The following SLC24A3 variants were observed in gnomAD, a reference collection of about 807,000 sequenced individuals.
SLC24A3 encodes sodium/potassium/calcium exchanger 3.
Under a neutral mutation model 75.8 loss-of-function variants are expected in SLC24A3, and 28 were observed. The observed-to-expected ratio is 0.37, with a 90% confidence interval of 0.27 to 0.51. SLC24A3 has a LOEUF of 0.51. Among genes scored for constraint, SLC24A3 ranks in the 20% least tolerant of loss-of-function variants. SLC24A3 has a pLI of 0.94. For missense variants in SLC24A3, 663 were observed against 847.8 expected (o/e 0.78, Z 2.71); for synonymous variants, 372 against 334.1 (o/e 1.11, Z -1.24).
intron 2 of SLC24A3, among the ~76,000 whole-genome samples, chr20:19,323,746 A>C (rs1028108796): frequency 2.6e-5 from 4 of 152,212 alleles, no homozygotes; most frequent in Non-Finnish European, 5.9e-5. Flanking sequence ...GCTGGAAGCC[A>C]CACTGACCCA....
chr20:19,585,077 A>G (rs976553785), intron 5 of SLC24A3, 22 bp downstream of exon 5: 1 of 1,593,006 alleles, frequency 6.3e-7, no homozygotes, highest in South Asian at 1.1e-5. Context: ...ACTGAGGGAC[A>G]TCTCAGACCT....
chr20:19,413,903 T>C (rs964095710), intron 2 of SLC24A3, among the ~76,000 whole-genome samples: 2 of 152,214 alleles, frequency 1.3e-5, no homozygotes, highest in Non-Finnish European at 1.5e-5. Flanking sequence ...TGGGAAATGT[T>C]TGAAACCAAT....
chr20:19,484,223 G>A (rs955017782), intron 2 of SLC24A3, among the ~76,000 whole-genome samples: 1 of 152,276 alleles, frequency 6.6e-6, no homozygotes, highest in Middle Eastern at 3.4e-3. Flanking sequence ...GAGGTATCTT[G>A]GAGATGGGGC....
At chr20:19,516,953 C>T (rs921016572) in intron 3 of SLC24A3, among the ~76,000 whole-genome samples, 6 of 152,196 alleles carry the variant, frequency 3.9e-5, no homozygotes, top group African/African-American at 7.2e-5. Context: ...TGACCTCTTA[C>T]GACCCACAGG....
At chr20:19,594,371 G>T (rs371491840) in intron 6 of SLC24A3, among the ~76,000 whole-genome samples, 1 of 152,310 alleles carries the variant, frequency 6.6e-6, no homozygotes, top group Non-Finnish European at 1.5e-5. Context: ...TGAGGCCTGA[G>T]ACCTCCTAGA....
At chr20:19,275,894 G>A (rs1269415897) in intron 1 of SLC24A3, among the ~76,000 whole-genome samples, 2 of 152,088 alleles carry the variant, frequency 1.3e-5, no homozygotes, top group East Asian at 3.9e-4. Flanking sequence ...ATGTGAGCCT[G>A]CTGCCTCCCC....
chr20:19,231,331 G>A (rs535173414), intron 1 of SLC24A3, among the ~76,000 whole-genome samples: 12 of 152,174 alleles, frequency 7.9e-5, no homozygotes, highest in Admixed American at 6.5e-4. Flanking sequence ...GTTATGTTAC[G>A]TGGCAAGGAG....
intron 9 of SLC24A3, among the ~76,000 whole-genome samples, chr20:19,677,419 G>A (rs1196818356): frequency 2.0e-5 from 3 of 151,920 alleles, no homozygotes; most frequent in Non-Finnish European, 4.4e-5. Context: ...CATCCTTGTC[G>A]AATCTAGAAA....
chr20:19,471,886 A>G (rs16980655), intron 2 of SLC24A3, among the ~76,000 whole-genome samples: 3,605 of 152,304 alleles, frequency 0.024, 146 homozygotes, highest in African/African-American at 0.082. Context: ...AAAAAGAGCA[A>G]CATTTGAAAA....
At chr20:19,433,076 C>A (rs1382084537) in intron 2 of SLC24A3, among the ~76,000 whole-genome samples, 2 of 152,126 alleles carry the variant, frequency 1.3e-5, no homozygotes, top group Non-Finnish European at 2.9e-5. Context: ...GATATTTTAT[C>A]TTGTGCAAAT....
At chr20:19,513,957 C>G (rs1765482092) in intron 2 of SLC24A3, among the ~76,000 whole-genome samples, 1 of 152,136 alleles carries the variant, frequency 6.6e-6, no homozygotes, top group African/African-American at 2.4e-5. Flanking sequence ...TCGCAAGTTT[C>G]AAGTATATAA....
rs568320173 is a variant in SLC24A3 at position 19,216,438 on chromosome 20, A to G, written c.142+3454A>G. On this transcript the variant is annotated intron_variant, in intron 1 of 16. Coordinates refer to ENST00000328041, the MANE Select transcript of SLC24A3 (RefSeq NM_020689.4). ...AGCCTAGGCAACATAGTAAGACCCCATCTCTTAAAAAATTTTTTTTAATTA... is the reference window on the plus strand; with the variant it reads ...AGCCTAGGCAACATAGTAAGACCCCGTCTCTTAAAAAATTTTTTTTAATTA... Among the ~76,000 whole-genome samples the G allele has an allele frequency of 3.3e-5, 5 of 152,110 alleles. No homozygotes were observed. In the South Asian group the frequency reaches 1.0e-3, roughly 32 times the overall value.
intron 2 of SLC24A3, among the ~76,000 whole-genome samples, chr20:19,358,791 C>T (rs562447208): frequency 5.0e-4 from 76 of 152,292 alleles, no homozygotes; most frequent in Admixed American, 9.8e-4. Context: ...AGTTCCCAGG[C>T]CCCCGGCAGT....
At chr20:19,390,732 G>A (rs185749895) in intron 2 of SLC24A3, among the ~76,000 whole-genome samples, 9 of 152,272 alleles carry the variant, frequency 5.9e-5, no homozygotes, top group African/African-American at 1.9e-4. Flanking sequence ...TTTCCAACAT[G>A]GGAATTTCCA....
chr20:19,490,568 A>G (rs1988194694), intron 2 of SLC24A3, among the ~76,000 whole-genome samples: 1 of 152,232 alleles, frequency 6.6e-6, no homozygotes, highest in African/African-American at 2.4e-5. Flanking sequence ...TCTGCTAAAT[A>G]TAGTAATTAT....
intron 2 of SLC24A3, among the ~76,000 whole-genome samples, chr20:19,291,944 G>A (rs1983952648): frequency 6.6e-6 from 1 of 152,198 alleles, no homozygotes; most frequent in Non-Finnish European, 1.5e-5. Context: ...TGATAAATGG[G>A]CACTCACAGT....
At chr20:19,535,994 C>G (rs931376580) in intron 3 of SLC24A3, among the ~76,000 whole-genome samples, 11 of 152,040 alleles carry the variant, frequency 7.2e-5, no homozygotes, top group African/African-American at 9.7e-5. Context: ...TTTTAAGGAG[C>G]CCACCCTCAC....
At chr20:19,236,297 T>C (rs1426926905) in intron 1 of SLC24A3, among the ~76,000 whole-genome samples, 3 of 152,030 alleles carry the variant, frequency 2.0e-5, no homozygotes, top group African/African-American at 7.2e-5. Context: ...GCAAGGGGTG[T>C]TGATAGTGAG....
intron 3 of SLC24A3, among the ~76,000 whole-genome samples, chr20:19,554,247 G>T (rs2030748149): frequency 1.3e-5 from 2 of 152,146 alleles, no homozygotes; most frequent in South Asian, 4.1e-4. Flanking sequence ...CATAGTGAAT[G>T]ATAATATTTG....
Sources: allele counts gnomAD v4.1 joint callset (sites outside exome capture counted in the v4.1 genomes callset), GRCh38; gene constraint gnomAD v4.1.1; transcripts MANE v1.5; gene names NCBI Gene and HGNC (gene_info 2026-07-23, HGNC 2026-07-21).